Variants in CHODL observed in about 807,000 individuals in gnomAD.
CHODL encodes the protein chondrolectin, also known as transmembrane protein MT75.
CHODL carries 29 observed loss-of-function variants against 34.5 expected under a neutral mutation model. The ratio of observed to expected loss-of-function variants is 0.84; its 90% CI spans 0.63 to 1.15. CHODL has a LOEUF of 1.15. CHODL is among the 50% of genes most tolerant of loss of function. The probability of loss-of-function intolerance (pLI) is 0.00; values close to 1 mark genes in which losing one functional copy is unlikely to be tolerated. For missense variants in CHODL, 332 were observed against 332.5 expected (o/e 1.00, Z 0.01); for synonymous variants, 125 against 116.1 (o/e 1.08, Z -0.49).
chr21:17,951,464 C>T (rs2063456757), intron 1 of CHODL, among the ~76,000 whole-genome samples: 1 of 152,112 alleles, frequency 6.6e-6, no homozygotes, highest in South Asian at 2.1e-4. Context: ...CTCAATATTG[C>T]AAGACTGTGA....
intron 1 of CHODL, chr21:18,245,794 C>T (rs2074133722): frequency 1.1e-6 from 1 of 869,818 alleles, no homozygotes; most frequent in African/African-American, 1.7e-5. Context: ...CTCCGGATGC[C>T]TGGGCATTCG....
chr21:18,137,089 T>A (rs1488319204), intron 2 of CHODL, among the ~76,000 whole-genome samples: 1 of 152,118 alleles, frequency 6.6e-6, no homozygotes, highest in Non-Finnish European at 1.5e-5. Context: ...GAAGTCTTCC[T>A]CTTCTATCCA....
intron 2 of CHODL, among the ~76,000 whole-genome samples, chr21:18,136,111 A>G (rs1376264688): frequency 6.8e-6 from 1 of 146,296 alleles, no homozygotes; most frequent in African/African-American, 2.6e-5. Context: ...GTCTCAAAAA[A>G]AAAAAAAGAA....
intron 2 of CHODL, among the ~76,000 whole-genome samples, chr21:18,189,003 G>T (rs2073478235): frequency 6.6e-6 from 1 of 152,158 alleles, no homozygotes. Context: ...TTTTGTATAA[G>T]GTTGCAATAG....
At chr21:18,244,134 G>A (rs950720183), upstream of CHODL, among the ~76,000 whole-genome samples, 1 of 152,200 alleles carries the variant, frequency 6.6e-6, no homozygotes, top group Non-Finnish European at 1.5e-5. Flanking sequence ...TACTTCTAAT[G>A]TATATCGTAG....
intron 2 of CHODL, among the ~76,000 whole-genome samples, chr21:18,104,655 C>G (rs1331195004): frequency 6.6e-6 from 1 of 152,150 alleles, no homozygotes; most frequent in Non-Finnish European, 1.5e-5. Flanking sequence ...AGAACCTAGA[C>G]ACAAGATGCT....
intron 2 of CHODL, among the ~76,000 whole-genome samples, chr21:18,059,381 A>G (rs1425661039): frequency 1.3e-5 from 2 of 152,212 alleles, no homozygotes; most frequent in Non-Finnish European, 2.9e-5. Flanking sequence ...CAGCCTGAGC[A>G]GACCAGCAAA....
At chr21:18,157,176 G>A (rs1325921336) in intron 2 of CHODL, among the ~76,000 whole-genome samples, 1 of 152,184 alleles carries the variant, frequency 6.6e-6, no homozygotes, top group East Asian at 1.9e-4. Flanking sequence ...AGTTGGAGGA[G>A]TGCCAAGTTT....
At chr21:17,952,193 T>TAAAAAAAA (rs1471456747) in intron 1 of CHODL, among the ~76,000 whole-genome samples, 1 of 21,366 alleles carries the variant, frequency 4.7e-5, no homozygotes, top group Non-Finnish European at 7.6e-5. Flanking sequence ...ATACTATGTC[T>TAAAAAAAA]CAAAAAAAAA....
chr21:18,260,051 T>C, intron 3 of CHODL, 149 bp from the exon 4 acceptor site: 1 of 270,684 alleles, frequency 3.7e-6, no homozygotes, highest in Non-Finnish European at 6.7e-6. Flanking sequence ...TTCATGTAAA[T>C]TTAAATTCAG....
At chr21:18,166,110 G>A (rs4618143) in intron 2 of CHODL, among the ~76,000 whole-genome samples, 64,596 of 151,966 alleles carry the variant, frequency 0.43, 16,975 homozygotes, top group Non-Finnish European at 0.6. Context: ...CCTTATTTAA[G>A]CTCTCATGAT....
intron 1 of CHODL, among the ~76,000 whole-genome samples, chr21:17,963,975 A>C (rs2063552729): frequency 6.6e-6 from 1 of 152,196 alleles, no homozygotes; most frequent in African/African-American, 2.4e-5. Context: ...ACAACTTGCC[A>C]AAAAATCACA....
At chr21:18,084,754 A>G (rs1568877521) in intron 2 of CHODL, among the ~76,000 whole-genome samples, 1 of 152,200 alleles carries the variant, frequency 6.6e-6, no homozygotes, top group Non-Finnish European at 1.5e-5. Context: ...GTTGTTGGAT[A>G]TAATTTTCTG....
Position 18,262,820 on chromosome 21 carries a change from A to C in CHODL, c.664A>C (p.Ile222Leu), listed in dbSNP as rs765606559. The change falls in exon 5 of 6, where the codon ATA becomes CTA. Residue 222 changes from isoleucine (I) to leucine (L), a missense_variant. Coordinates refer to ENST00000299295, the MANE Select transcript of CHODL (RefSeq NM_024944.3). ...AATTCCCAATCTAATTTATGTTGTT[A>C]TACCAACAATACCCCTGCTCTTACT... ...GIIPNLIYVV[I>L]PTIPLLLLIL... is the part of the protein sequence containing the mutation. 70 of 1,604,948 alleles carry C rather than the reference A, an allele frequency of 4.4e-5. 1 individual carries two copies. Among genetic ancestry groups the C allele is most frequent in the Non-Finnish European group, 5.9e-5 (69 of 1,172,302 alleles).
At chr21:18,136,719 CATATATATATATAT>C (rs147280660) in intron 2 of CHODL, among the ~76,000 whole-genome samples, 24 of 118,754 alleles carry the variant, frequency 2.0e-4, no homozygotes, top group African/African-American at 3.8e-4. Flanking sequence ...TAAATCAAAG[CATATATATATATAT>C]ATATATATAT....
At chr21:18,064,867 GTTAAA>G (rs777001674) in intron 2 of CHODL, among the ~76,000 whole-genome samples, 10 of 152,252 alleles carry the variant, frequency 6.6e-5, no homozygotes, top group East Asian at 3.9e-4. Flanking sequence ...ACAATAATTA[GTTAAA>G]TTAAGTTAAA....
At position 18,244,996 on chromosome 21, in the gene CHODL, C is replaced by G. The variant is rs943388587; in HGVS notation, c.-228C>G. The G allele has an allele frequency of 1.3e-5, 6 of 461,466 alleles. No homozygotes were observed. Among genetic ancestry groups the G allele is most frequent in the Non-Finnish European group, 2.3e-5 (6 of 263,934 alleles). 28.6% of individuals were successfully genotyped at this position (461,466 alleles called of 1,614,324 possible). A position where few individuals can be genotyped will look rare whatever the true frequency, so the allele number is the denominator to read the frequency against. ...AACTTCAGTCCCCCAAACGCGCACC[C>G]TCGAAGTCTTGAACTCCAGCCCCGC... On this transcript the variant is annotated 5_prime_UTR_variant, in exon 1 of 6. Transcript: ENST00000299295.
chr21:18,233,459 G>A (rs1286488206), intron 2 of CHODL, among the ~76,000 whole-genome samples: 2 of 151,956 alleles, frequency 1.3e-5, no homozygotes, highest in Non-Finnish European at 2.9e-5. Flanking sequence ...ACATTCATGA[G>A]GATGAAACAA....
At chr21:17,959,579 C>T (rs970607529) in intron 1 of CHODL, among the ~76,000 whole-genome samples, 12 of 152,174 alleles carry the variant, frequency 7.9e-5, no homozygotes, top group Admixed American at 3.3e-4. Context: ...GGGCAGAGAG[C>T]GCTCATAGGC....
Sources: allele counts gnomAD v4.1 joint callset (sites outside exome capture counted in the v4.1 genomes callset), GRCh38; gene constraint gnomAD v4.1.1; transcripts MANE v1.5; gene names NCBI Gene and HGNC (gene_info 2026-07-23, HGNC 2026-07-21).